CD81: variants seen among roughly 807,000 people sequenced by gnomAD.
CD81 encodes CD81 molecule.
In CD81, 10 loss-of-function variants were observed where a neutral mutation model predicts 30.1. The ratio of observed to expected loss-of-function variants is 0.33; its 90% CI spans 0.21 to 0.56. The LOEUF (loss-of-function observed/expected upper bound fraction) is 0.56. CD81 is among the 20% of genes least tolerant of loss of function. The pLI is 0.89. For synonymous variants in CD81, 147 were observed against 126.4 expected (o/e 1.16, Z -1.10); for missense variants, 263 against 308.7 (o/e 0.85, Z 1.11).
chr11:2,379,004 G>T (rs1310769638), intron 1 of CD81, among the ~76,000 whole-genome samples: 1 of 152,190 alleles, frequency 6.6e-6, no homozygotes, highest in Non-Finnish European at 1.5e-5. Context: ...TGCTTGGGAC[G>T]CTGGTGGGAG....
Position 2,397,126 on chromosome 11 carries a change from G to T in CD81, c.*260G>T. On this transcript the variant is annotated 3_prime_UTR_variant, in exon 8 of 8. Transcript: ENST00000263645. ...GAGGGCAGGGGTCCTTCTGCCCTGG[G>T]GTCCCAGGGTGCTCTGCCTGCTCAG... The T allele has an allele frequency of 1.9e-6, 1 of 533,836 alleles. No individual in the cohort carries two copies. Among genetic ancestry groups the T allele is most frequent in the Non-Finnish European group, 3.4e-6 (1 of 294,774 alleles). 33.1% of individuals were successfully genotyped at this position (533,836 alleles called of 1,614,324 possible).
intron 6 of CD81, chr11:2,396,336 G>A: frequency 1.7e-6 from 1 of 579,400 alleles, no homozygotes; most frequent in Non-Finnish European, 3.1e-6. Flanking sequence ...CTCAGTGGAA[G>A]TCGTCATCAG....
At chr11:2,387,413 A>C (rs1420053749) in intron 1 of CD81, among the ~76,000 whole-genome samples, 1 of 152,184 alleles carries the variant, frequency 6.6e-6, no homozygotes, top group African/African-American at 2.4e-5. Flanking sequence ...CAATGTTTTC[A>C]AAGGCCCTGG....
intron 7 of CD81, 26 bp from the exon 8 acceptor site, chr11:2,396,778 C>T (rs1390204042): frequency 6.2e-7 from 1 of 1,612,348 alleles, no homozygotes; most frequent in Non-Finnish European, 8.5e-7. Context: ...CTTGTGCTGA[C>T]TGCGCCCCCC....
chr11:2,390,649 G>A (rs1849882618), intron 2 of CD81, 123 bp downstream of exon 2: 1 of 753,100 alleles, frequency 1.3e-6, no homozygotes, highest in East Asian at 2.7e-5. Context: ...CGGGCAGGGA[G>A]GCGGCCCTGG....
intron 1 of CD81, among the ~76,000 whole-genome samples, chr11:2,380,651 G>A (rs1265601305): frequency 6.6e-6 from 1 of 152,134 alleles, no homozygotes; most frequent in African/African-American, 2.4e-5. Flanking sequence ...GGTGGGTCTC[G>A]GAGCCTCCAT....
intron 3 of CD81, 139 bp downstream of exon 3, chr11:2,394,331 G>A (rs561248262): frequency 2.7e-5 from 17 of 623,852 alleles, no homozygotes; most frequent in Admixed American, 5.6e-5. Flanking sequence ...TGCTTTTCCC[G>A]TTTGGTTTTT....
chr11:2,395,464 G>A lies in CD81; in HGVS notation c.403G>A (p.Val135Met), dbSNP rs181171080. 58 of 1,612,780 alleles carry A rather than the reference G, an allele frequency of 3.6e-5. 1 individual carries two copies. The highest frequency in any genetic ancestry group is 7.7e-5 in the South Asian group (7 of 91,090). ...QFYDQALQQAVVDDDANNAKA... is the reference protein window; with the variant it reads ...QFYDQALQQAMVDDDANNAKA... ...CTATGACCAGGCCCTACAGCAGGCC[G>A]TGGTGGATGATGACGCCAACAACGC... The change falls in exon 5 of 8, where the codon GTG becomes ATG. Residue 135 changes from valine to methionine, a missense_variant. Physicochemically the swap from Val to Met is conservative, Grantham distance 21 (BLOSUM62 1). Coordinates refer to ENST00000263645, the MANE Select transcript of CD81 (RefSeq NM_004356.4).
At chr11:2,382,230 G>T (rs888954530) in intron 1 of CD81, among the ~76,000 whole-genome samples, 6 of 152,218 alleles carry the variant, frequency 3.9e-5, no homozygotes, top group African/African-American at 1.4e-4. Context: ...CCCACCCCCC[G>T]CACAAGGTCT....
At chr11:2,394,012 G>A (rs1387440591) in intron 2 of CD81, 83 bp from the exon 3 acceptor site, 1 of 1,037,388 alleles carries the variant, frequency 9.6e-7, no homozygotes, top group Non-Finnish European at 1.5e-6. Context: ...GCGGCCCGTG[G>A]TGGGTTCGGC....
chr11:2,387,405 A>G (rs1293537035), intron 1 of CD81, among the ~76,000 whole-genome samples: 2 of 152,134 alleles, frequency 1.3e-5, no homozygotes. Context: ...AAAATAAGCA[A>G]TGTTTTCAAA....
intron 4 of CD81, 122 bp downstream of exon 4, chr11:2,395,168 C>T (rs1042558684): frequency 3.5e-6 from 3 of 859,154 alleles, no homozygotes; most frequent in Non-Finnish European, 5.8e-6. Flanking sequence ...TCCTGGGTCC[C>T]ACTTGCCAGG....
At position 2,378,868 on chromosome 11, in the gene CD81, G is replaced by T. The variant is rs574196598; in HGVS notation, c.66+1253G>T. 3.9e-4 allele frequency among the ~76,000 whole-genome samples: 60 copies of T among 152,372 alleles called. No individual in the cohort carries two copies. Among genetic ancestry groups the T allele is most frequent in the African/African-American group, 1.4e-3 (59 of 41,588 alleles). ...GAGACATCTGTTTCCCATCTGGACG[G>T]CTGAGGATCCCAGTGCGGATGATTA... On this transcript the variant is annotated intron_variant, in intron 1 of 7. Transcript: ENST00000263645. This position sits in a 1 kb window ranked among gnomAD's most constrained non-coding sequence, Gnocchi z 4.9.
rs1849623751 is a variant in CD81, at chr11:2,377,738, T to A, written c.66+123T>A. 5 of 398,942 alleles carry A rather than the reference T, an allele frequency of 1.3e-5. No individual in the cohort carries two copies. The highest frequency in any genetic ancestry group is 2.1e-5 in the Non-Finnish European group (5 of 243,418). 24.7% of individuals were successfully genotyped at this position (398,942 alleles called of 1,614,324 possible). On this transcript the variant is annotated intron_variant, in intron 1 of 7. Coordinates refer to ENST00000263645, the MANE Select transcript of CD81 (RefSeq NM_004356.4). This position sits in a 1 kb window ranked among gnomAD's most constrained non-coding sequence, Gnocchi z 7.7. ...CGGGCCGCGAAGTTGTGGGGCCACC[T>A]GTGGGCTCCAGGAGCGGGGTGGGGG...
chr11:2,386,522 G>A (rs1352850619), intron 1 of CD81: 1 of 715,844 alleles, frequency 1.4e-6, no homozygotes, highest in Non-Finnish European at 2.6e-6. Flanking sequence ...CCAGAAACCG[G>A]CAGTGACCAT....
rs1327861365 is a variant in CD81, at chr11:2,396,994, C to T, written c.*128C>T. The T allele has an allele frequency of 5.5e-6, 5 of 915,766 alleles. No homozygotes were observed. The highest frequency in any genetic ancestry group is 2.8e-5 in the South Asian group (2 of 70,970). The allele number at this position is 915,766 out of a possible 1,614,324, so 56.7% of individuals were successfully genotyped here. On this transcript the variant is annotated 3_prime_UTR_variant, in exon 8 of 8. Coordinates refer to ENST00000263645, the MANE Select transcript of CD81 (RefSeq NM_004356.4). Reference sequence around the variant, plus strand: ...TACTCTGCTACACGTAGCCTTTTTACTTTTGGGGTTTTGTTTTTGTTCTGA... The same window carrying T: ...TACTCTGCTACACGTAGCCTTTTTATTTTTGGGGTTTTGTTTTTGTTCTGA...
intron 1 of CD81, among the ~76,000 whole-genome samples, chr11:2,387,019 A>G (rs933421144): frequency 3.3e-5 from 5 of 152,228 alleles, no homozygotes; most frequent in African/African-American, 1.2e-4. Flanking sequence ...AAGTCCCACC[A>G]TTAGCAGGTT....
intron 3 of CD81, 88 bp from the exon 4 acceptor site, chr11:2,394,884 A>T: frequency 8.1e-7 from 1 of 1,234,610 alleles, no homozygotes; most frequent in Admixed American, 1.7e-5. Flanking sequence ...CCCCTCACAG[A>T]CACGCCTGCT....
intron 1 of CD81, chr11:2,386,197 C>T (rs770057604): frequency 2.1e-5 from 15 of 716,182 alleles, no homozygotes; most frequent in South Asian, 1.9e-4. Context: ...GTGTGTGGAT[C>T]TTGCGGGGAA....
Sources: gnomAD v4.1 joint callset for allele counts (sites outside exome capture counted in the v4.1 genomes callset) on GRCh38, gnomAD v4.1.1 for gene constraint, Gnocchi (gnomAD v3.1) non-coding constraint, MANE v1.5 for transcripts, NCBI Gene and HGNC (gene_info 2026-07-23, HGNC 2026-07-21) for gene names.